Variants in DCAF12 observed in about 807,000 individuals in gnomAD.
DCAF12 encodes the protein DDB1- and CUL4-associated factor 12.
A neutral mutation model predicts 52.8 loss-of-function variants in DCAF12; 28 were observed. That is an observed-to-expected ratio of 0.53 (90% CI 0.39 to 0.73). The LOEUF (loss-of-function observed/expected upper bound fraction) is 0.73, where lower values mean the gene tolerates loss of function less well. DCAF12 is among the 30% of genes least tolerant of loss of function. DCAF12 has a pLI of 0.00. For synonymous variants in DCAF12, 196 were observed against 215.5 expected (o/e 0.91, Z 0.79); for missense variants, 425 against 552.2 (o/e 0.77, Z 2.31).
chr9:34,122,473 ATTTT>A (rs762013826), intron 2 of DCAF12, among the ~76,000 whole-genome samples: 1 of 127,664 alleles, frequency 7.8e-6, no homozygotes, highest in African/African-American at 3.0e-5. Context: ...ATTAGTATCA[ATTTT>A]TTTTTTTTTT....
At position 34,125,316 on chromosome 9, in the gene DCAF12, C is replaced by G. The variant is rs372615412; in HGVS notation, c.79-39G>C. On this transcript the variant is annotated intron_variant, in intron 1 of 8. Coordinates refer to ENST00000361264, the MANE Select transcript of DCAF12 (RefSeq NM_015397.4). Reference sequence around the variant, plus strand: ...ATTAGAAATCAGGGCTTTGGCTACTCTTCTTCAGAACAGATCCTACTGTAT... The same window carrying G: ...ATTAGAAATCAGGGCTTTGGCTACTGTTCTTCAGAACAGATCCTACTGTAT... 4 of 1,608,230 alleles carry G rather than the reference C, an allele frequency of 2.5e-6. No homozygotes were observed. The Admixed American group carries it at 6.7e-5, about 27-fold the overall frequency.
chr9:34,099,429 A>C (rs544968837), intron 4 of DCAF12, among the ~76,000 whole-genome samples: 1 of 151,828 alleles, frequency 6.6e-6, no homozygotes, highest in Admixed American at 6.6e-5. Flanking sequence ...ATTGGGTTTC[A>C]CCATATTGGC....
In DCAF12 at chr9:34,088,219, A is replaced by C. The variant is rs370604667; in HGVS notation, c.*131T>G. The C allele has an allele frequency of 1.3e-4, 140 of 1,062,276 alleles. 2 individuals carry two copies. In the South Asian group the frequency reaches 2.6e-3, roughly 20 times the overall value. The allele number at this position is 1,062,276 out of a possible 1,614,324, so 65.8% of individuals were successfully genotyped here. ...CAGAGCTTCTTCCTATTAAGTGCCT[A>C]AACTATAGGCAAACTTTGGTGTTCC... is the stretch of plus-strand genomic sequence containing the variant. On this transcript the variant is annotated 3_prime_UTR_variant, in exon 9 of 9. Transcript: ENST00000361264.
At chr9:34,095,372 C>CTTTTTTT in intron 6 of DCAF12, among the ~76,000 whole-genome samples, 1 of 78,166 alleles carries the variant, frequency 1.3e-5, no homozygotes, top group Non-Finnish European at 2.4e-5. Flanking sequence ...CGCGCCAGGC[C>CTTTTTTT]TTTTTTTTTT....
chr9:34,104,246 A>G (rs756470499), intron 4 of DCAF12, among the ~76,000 whole-genome samples: 3 of 151,886 alleles, frequency 2.0e-5, no homozygotes, highest in Non-Finnish European at 2.9e-5. Flanking sequence ...ACAGAGCGAG[A>G]CTCTGTCTCA....
intron 4 of DCAF12, among the ~76,000 whole-genome samples, chr9:34,105,841 C>T (rs373326668): frequency 6.7e-5 from 10 of 149,348 alleles, no homozygotes; most frequent in African/African-American, 2.0e-4. Context: ...CTCTGCCTGC[C>T]GGGTTCAAGC....
At chr9:34,107,240 CTG>C (rs1828917381) in intron 3 of DCAF12, 117 bp downstream of exon 3, 1 of 948,728 alleles carries the variant, frequency 1.1e-6, no homozygotes, top group Non-Finnish European at 1.7e-6. Context: ...CAAATATACA[CTG>C]TGCCCTATGG....
chr9:34,105,349 C>T (rs1828888458), intron 4 of DCAF12, among the ~76,000 whole-genome samples: 1 of 152,046 alleles, frequency 6.6e-6, no homozygotes, highest in Non-Finnish European at 1.5e-5. Context: ...TAGCTTGAGC[C>T]CAGGAGTTCA....
intron 6 of DCAF12, 77 bp downstream of exon 6, chr9:34,096,639 A>C (rs976255327): frequency 5.3e-6 from 7 of 1,314,784 alleles, no homozygotes; most frequent in Admixed American, 4.1e-5. Context: ...ACATGAAAAA[A>C]AAGCTCAGCT....
chr9:34,102,444 C>T (rs910766440), intron 4 of DCAF12, among the ~76,000 whole-genome samples: 4 of 152,070 alleles, frequency 2.6e-5, no homozygotes, highest in Non-Finnish European at 5.9e-5. Flanking sequence ...AGGCAGATAA[C>T]GAGGTCAGGA....
rs752084826 is a variant in DCAF12 at position 34,089,521 on chromosome 9, T to C, written c.1094A>G (p.Tyr365Cys). The C allele has an allele frequency of 5.0e-6, 8 of 1,614,034 alleles. No individual in the cohort carries two copies. Among genetic ancestry groups the C allele is most frequent in the African/African-American group, 2.7e-5 (2 of 74,914 alleles). Residue 365 changes from tyrosine (Y) to cysteine (C), a missense_variant, in exon 8 of 9, where the codon TAT (tyrosine) becomes TGT (cysteine). Tyr to Cys is a radical substitution (Grantham distance 194). Around this residue, in one of 3 missense-constraint regions of DCAF12, gnomAD observed 328 missense variants for 444.4 expected, o/e 0.74. Coordinates refer to ENST00000361264, the MANE Select transcript of DCAF12 (RefSeq NM_015397.4). ...VGTGQGSLLFYDIRAQRFLEE... is the reference protein window; with the variant it reads ...VGTGQGSLLFCDIRAQRFLEE... ...CAGAAATCTCTGAGCTCGGATGTCA[T>C]AGAACAGCAGGGAGCCCTGCCCTGT... is the stretch of plus-strand genomic sequence containing the variant.
At position 34,089,261 on chromosome 9, in the gene DCAF12, C is replaced by G. The variant is rs1828607302; in HGVS notation, c.1203+151G>C. On this transcript the variant is annotated intron_variant, in intron 8 of 8. Transcript: ENST00000361264. ...CACAGGCAACGTGCAGACATAAAAG[C>G]AAAATCGGGGGAAGTCTTTTCCTGT... is the stretch of plus-strand genomic sequence containing the variant. 3.4e-6 allele frequency: 3 copies of G among 887,884 alleles called. No homozygotes were observed. In the Admixed American group the frequency reaches 9.5e-5, roughly 28 times the overall value. The allele number at this position is 887,884 out of a possible 1,614,324, so 55.0% of individuals were successfully genotyped here. A position where few individuals can be genotyped will look rare whatever the true frequency, so the allele number is the denominator to read the frequency against.
At position 34,126,468 on chromosome 9, in the gene DCAF12, G is replaced by C; in HGVS notation, c.-37C>G. Reference sequence around the variant, plus strand: ...CCGCCGCGGCCCCGCAGCCACATGGGGCGGGGGAAGCGAAGGATAGCAGGA... The same window carrying C: ...CCGCCGCGGCCCCGCAGCCACATGGCGCGGGGGAAGCGAAGGATAGCAGGA... On this transcript the variant is annotated 5_prime_UTR_variant, in exon 1 of 9. Coordinates refer to ENST00000361264, the MANE Select transcript of DCAF12 (RefSeq NM_015397.4). 11 of 1,593,006 alleles carry C rather than the reference G, an allele frequency of 6.9e-6. No homozygotes were observed. The highest frequency in any genetic ancestry group is 9.4e-6 in the Non-Finnish European group (11 of 1,175,328).
intron 2 of DCAF12, among the ~76,000 whole-genome samples, chr9:34,117,405 C>T (rs111585246): frequency 1.5e-4 from 23 of 151,896 alleles, no homozygotes; most frequent in African/African-American, 5.3e-4. Context: ...CTGCCTCGGC[C>T]GGCCAAAGTG....
intron 2 of DCAF12, among the ~76,000 whole-genome samples, chr9:34,115,133 G>A (rs114035868): frequency 6.6e-6 from 1 of 152,132 alleles, no homozygotes; most frequent in African/African-American, 2.4e-5. Context: ...AAGACAGGTG[G>A]GCAACCTAAG....
chr9:34,123,699 T>A (rs1451497246), intron 2 of DCAF12, among the ~76,000 whole-genome samples: 1 of 152,116 alleles, frequency 6.6e-6, no homozygotes, highest in African/African-American at 2.4e-5. Flanking sequence ...AGCAAGAGGC[T>A]ATGATGATTA....
chr9:34,107,465 G>A lies in DCAF12; in HGVS notation c.434C>T (p.Ala145Val). 9 of 1,614,138 alleles carry A rather than the reference G, an allele frequency of 5.6e-6. No individual in the cohort carries two copies. The highest frequency in any genetic ancestry group is 5.1e-6 in the Non-Finnish European group (6 of 1,180,036). Residue 145 changes from alanine to valine, a missense_variant, in exon 3 of 9, where the codon GCC becomes GTC. Ala to Val is a moderately conservative substitution (Grantham distance 64). Transcript: ENST00000361264. ...TGTTCTAGAAGGATTCAGCTCGATG[G>A]CATGGATACCACAGCCCTGCTGGGT... ...GVTQQGCGIHAIELNPSRTLL... is the reference protein window; with the variant it reads ...GVTQQGCGIHVIELNPSRTLL...
At chr9:34,107,230 C>T (rs1238058484) in intron 3 of DCAF12, 129 bp downstream of exon 3, 24 of 872,558 alleles carry the variant, frequency 2.8e-5, no homozygotes, top group Non-Finnish European at 4.1e-5. Context: ...GCCCCTTTAT[C>T]AAATATACAC....
Position 34,125,197 on chromosome 9 carries a change from C to G in DCAF12, c.159G>C (p.Arg53=), listed in dbSNP as rs1489502524. 6.2e-7 allele frequency: 1 copy of G among 1,614,136 alleles called. No individual in the cohort carries two copies. Among genetic ancestry groups the G allele is most frequent in the South Asian group, 1.1e-5 (1 of 91,066 alleles). ...TGGTTTCATTCTGTAGCCTGACTTC[C>G]CGGTTCTTCAAGTAGTATACTAAGG... The part of the protein sequence containing the change: ...KRSLVYYLKN[R]EVRLQNETSY... Residue 53 remains arginine (R), a synonymous_variant, in exon 2 of 9, where the codon CGG becomes CGC. Coordinates refer to ENST00000361264, the MANE Select transcript of DCAF12 (RefSeq NM_015397.4).
Sources: gnomAD v4.1 joint callset for allele counts (sites outside exome capture counted in the v4.1 genomes callset) on GRCh38, gnomAD v4.1.1 for gene constraint, gnomAD v4.1.1 regional missense constraint, MANE v1.5 for transcripts, NCBI Gene and HGNC (gene_info 2026-07-23, HGNC 2026-07-21) for gene names.